Variants in GTF3C1 observed in about 807,000 individuals in gnomAD.
GTF3C1 encodes general transcription factor IIIC subunit 1, also known as general transcription factor 3C polypeptide 1.
In GTF3C1, 57 loss-of-function variants were observed where a neutral mutation model predicts 226.7. The ratio of observed to expected loss-of-function variants is 0.25; its 90% CI spans 0.20 to 0.31. The LOEUF is 0.31. GTF3C1 is among the 10% of genes least tolerant of loss of function. The pLI is 1.00. For missense variants in GTF3C1, 2,217 were observed against 2,776.1 expected (o/e 0.80, Z 4.53); for synonymous variants, 1,090 against 1,084.8 (o/e 1.00, Z -0.09).
Position 27,545,543 on chromosome 16 carries a change from T to C in GTF3C1, c.222-20A>G, listed in dbSNP as rs749541665. ...TCATACCTAAGGAGAAAAACACAAA[T>C]ATCAAAGCCCAACTCAGCTTCAGAT... is the stretch of plus-strand genomic sequence containing the variant. On this transcript the variant is annotated intron_variant, in intron 1 of 36. Transcript: ENST00000356183. 3.6e-6 allele frequency: 5 copies of C among 1,394,016 alleles called. 1 individual carries two copies. Among genetic ancestry groups the C allele is most frequent in the South Asian group, 3.5e-5 (3 of 86,490 alleles). 86.4% of individuals were successfully genotyped at this position (1,394,016 alleles called of 1,614,324 possible). A position where few individuals can be genotyped will look rare whatever the true frequency, so the allele number is the denominator to read the frequency against.
At chr16:27,549,615 A>G (rs1164545634) in intron 1 of GTF3C1, 55 bp downstream of exon 1, 5 of 833,386 alleles carry the variant, frequency 6.0e-6, no homozygotes, top group Non-Finnish European at 9.6e-6. Context: ...CAGCTCCATC[A>G]GCCCCCGGGC....
At position 27,507,988 on chromosome 16, in the gene GTF3C1, C is replaced by T. The variant is rs911780360; in HGVS notation, c.1242+552G>A. ...CTGTCCCCATGTGGGAGTAGGCTCC[C>T]GGGGTGGCCACATCACCTTCTGACT... is the stretch of plus-strand genomic sequence containing the variant. On this transcript the variant is annotated intron_variant, in intron 8 of 36. Coordinates refer to ENST00000356183, the MANE Select transcript of GTF3C1 (RefSeq NM_001520.4). This position sits in a 1 kb window ranked among gnomAD's most constrained non-coding sequence, Gnocchi z 4.9. 6.6e-6 allele frequency among the ~76,000 whole-genome samples: 1 copy of T among 152,194 alleles called. No individual in the cohort carries two copies. Among genetic ancestry groups the T allele is most frequent in the African/African-American group, 2.4e-5 (1 of 41,450 alleles).
intron 6 of GTF3C1, among the ~76,000 whole-genome samples, chr16:27,524,024 G>T (rs771009428): frequency 6.6e-6 from 1 of 152,180 alleles, no homozygotes; most frequent in African/African-American, 2.4e-5. Flanking sequence ...AAGTCCTCTT[G>T]TCCCAGCTCC....
rs1489275961 is a variant in GTF3C1, at chr16:27,460,969, C to G, written c.*381G>C. Reference sequence around the variant, plus strand: ...ATTCTGCAAGGTGTATCCCACAAGGCCCTTCCTCTTGGTGGCACCTGGGCA... The same window carrying G: ...ATTCTGCAAGGTGTATCCCACAAGGGCCTTCCTCTTGGTGGCACCTGGGCA... On this transcript the variant is annotated 3_prime_UTR_variant, in exon 37 of 37. Transcript: ENST00000356183. 5.3e-6 allele frequency: 1 copy of G among 189,076 alleles called. No individual in the cohort carries two copies. Among genetic ancestry groups the G allele is most frequent in the Non-Finnish European group, 1.1e-5 (1 of 89,824 alleles). The allele number at this position is 189,076 out of a possible 1,614,324, so 11.7% of individuals were successfully genotyped here.
At position 27,465,283 on chromosome 16, in the gene GTF3C1, T is replaced by C; in HGVS notation, c.5332A>G (p.Arg1778Gly). Reference protein sequence around the residue: ...ALEKAGGGRTRTFADCIQALL... With the variant: ...ALEKAGGGRTGTFADCIQALL... ...ACCTGGATGCAATCTGCGAATGTCC[T>C]GGTGCGCCCACCACCTGCCTTCTCC... The change falls in exon 33 of 37, where the codon AGG becomes GGG. Residue 1778 changes from arginine (R) to glycine (G), a missense_variant. Arg to Gly is a moderately radical substitution (Grantham distance 125). This residue lies in a region of GTF3C1 where 455 missense variants were observed against 441.9 expected (regional missense o/e 1.03). Transcript: ENST00000356183. The C allele has an allele frequency of 6.2e-7, 1 of 1,614,166 alleles. No homozygotes were observed. The highest frequency in any genetic ancestry group is 8.5e-7 in the Non-Finnish European group (1 of 1,180,022).
At chr16:27,483,233 G>A in intron 25 of GTF3C1, 108 bp from the exon 26 acceptor site, 3 of 1,047,674 alleles carry the variant, frequency 2.9e-6, no homozygotes, top group South Asian at 1.3e-5. Context: ...CGACCTTGAA[G>A]CATGAGTTAC....
At chr16:27,473,289 C>T (rs896252129) in intron 29 of GTF3C1, among the ~76,000 whole-genome samples, 1 of 152,244 alleles carries the variant, frequency 6.6e-6, no homozygotes, top group East Asian at 1.9e-4. Context: ...CATGGCTCAG[C>T]CTGCTAAGTC....
intron 2 of GTF3C1, among the ~76,000 whole-genome samples, chr16:27,539,133 A>G (rs1134711): frequency 0.84 from 126,741 of 151,552 alleles, 53,134 homozygotes; most frequent in East Asian, 1. Context: ...TGATAATAGG[A>G]GCTCTGTGTA....
At chr16:27,468,864 C>A (rs547845042) in intron 32 of GTF3C1, among the ~76,000 whole-genome samples, 136 of 152,206 alleles carry the variant, frequency 8.9e-4, no homozygotes, top group Non-Finnish European at 1.5e-3. Context: ...TCTTTCCTAG[C>A]AAGGGGTCAA....
intron 32 of GTF3C1, among the ~76,000 whole-genome samples, chr16:27,468,031 A>G (rs1221628462): frequency 6.6e-6 from 1 of 152,110 alleles, no homozygotes; most frequent in African/African-American, 2.4e-5. Flanking sequence ...TCAAAATACC[A>G]GCATCAACAG....
intron 2 of GTF3C1, among the ~76,000 whole-genome samples, chr16:27,541,340 G>A (rs1051104151): frequency 2.0e-5 from 3 of 152,302 alleles, no homozygotes; most frequent in South Asian, 2.1e-4. Context: ...GGCCAGCAGC[G>A]CCTACATCCC....
Position 27,531,631 on chromosome 16 carries a change from T to C in GTF3C1, c.849+1660A>G, listed in dbSNP as rs114959694. Among the ~76,000 whole-genome samples the C allele has an allele frequency of 7.0e-3, 1,061 of 152,308 alleles. 16 individuals carry two copies. Among genetic ancestry groups the C allele is most frequent in the African/African-American group, 0.024 (1,007 of 41,568 alleles). On this transcript the variant is annotated intron_variant, in intron 5 of 36. Transcript: ENST00000356183. ...CTCAACATACACACTCCCTGAAGTA[T>C]CTGTTCAATGAATAAGTGAAAGGCT...
At chr16:27,522,349 C>T (rs2088763018) in intron 6 of GTF3C1, among the ~76,000 whole-genome samples, 1 of 152,228 alleles carries the variant, frequency 6.6e-6, no homozygotes, top group Admixed American at 6.5e-5. Context: ...ACAGTCATGG[C>T]CTTTCATGAC....
At chr16:27,519,307 T>G (rs1771723809) in intron 6 of GTF3C1, among the ~76,000 whole-genome samples, 2 of 152,192 alleles carry the variant, frequency 1.3e-5, no homozygotes, top group Admixed American at 1.3e-4. Flanking sequence ...AAGGTTTCTA[T>G]GCCAACCATA....
chr16:27,494,847 G>C lies in GTF3C1; in HGVS notation c.2694C>G (p.Phe898Leu). ...CGCTGACGAGAGCCCAGCCAAAGCC[G>C]AAGTCCCTGTGGACTGGGATTGGGG... The part of the protein sequence containing the change: ...YIPPIPVHRD[F>L]GFGWALVSDI... Residue 898 changes from phenylalanine (F) to leucine (L), a missense_variant, in exon 16 of 37, where the codon TTC becomes TTG. Transcript: ENST00000356183. 6.2e-7 allele frequency: 1 copy of C among 1,612,470 alleles called. No homozygotes were observed. Among genetic ancestry groups the C allele is most frequent in the Non-Finnish European group, 8.5e-7 (1 of 1,178,492 alleles).
rs370745616 is a variant in GTF3C1 at position 27,503,010 on chromosome 16, G to A, written c.1771-15C>T. On this transcript the variant is annotated splice_polypyrimidine_tract_variant and intron_variant, in intron 10 of 36. Transcript: ENST00000356183. ...CTGCTACTCTCCTAGAACAGAGACC[G>A]AAAGCACAAGATGCAATGGGCTCGG... The A allele has an allele frequency of 1.6e-5, 25 of 1,607,786 alleles. No homozygotes were observed. The highest frequency in any genetic ancestry group is 6.6e-5 in the South Asian group (6 of 90,874).
chr16:27,467,832 C>T (rs976384344), intron 32 of GTF3C1, among the ~76,000 whole-genome samples: 5 of 151,978 alleles, frequency 3.3e-5, no homozygotes, highest in South Asian at 2.1e-4. Context: ...ATCATGCCGC[C>T]GCACTCCAGT....
At chr16:27,530,626 G>C (rs191344159) in intron 5 of GTF3C1, among the ~76,000 whole-genome samples, 1 of 152,178 alleles carries the variant, frequency 6.6e-6, no homozygotes, top group Non-Finnish European at 1.5e-5. Flanking sequence ...ATCACCAGGG[G>C]ATAGTCATGG....
chr16:27,543,005 G>A (rs1016422888), intron 2 of GTF3C1, among the ~76,000 whole-genome samples: 1 of 152,218 alleles, frequency 6.6e-6, no homozygotes, highest in Non-Finnish European at 1.5e-5. Context: ...TGACCACACT[G>A]GTATGCACAG....
Sources: gnomAD v4.1 joint callset for allele counts (sites outside exome capture counted in the v4.1 genomes callset) on GRCh38, gnomAD v4.1.1 for gene constraint, gnomAD v4.1.1 regional missense constraint, Gnocchi (gnomAD v3.1) non-coding constraint, MANE v1.5 for transcripts, NCBI Gene and HGNC (gene_info 2026-07-23, HGNC 2026-07-21) for gene names.